The following USP39 variants were observed in gnomAD, a reference collection of about 807,000 sequenced individuals.
USP39 encodes the protein ubiquitin specific peptidase 39.
A neutral mutation model predicts 66.4 loss-of-function variants in USP39; 38 were observed. That is an observed-to-expected ratio of 0.57 (90% CI 0.44 to 0.75). USP39 has a LOEUF of 0.75. USP39 is among the 30% of genes least tolerant of loss of function. The pLI is 0.00. For synonymous variants in USP39, 303 were observed against 274.6 expected (o/e 1.10, Z -1.02); for missense variants, 608 against 714.4 (o/e 0.85, Z 1.70).
At chr2:85,619,074 G>A (rs1428262101) in intron 1 of USP39, 146 bp from the exon 2 acceptor site, 2 of 881,766 alleles carry the variant, frequency 2.3e-6, no homozygotes, top group Non-Finnish European at 3.5e-6. Flanking sequence ...CCCGGCTAGT[G>A]GACTTTTTTT....
chr2:85,604,644 G>C (rs149929914), intron 1 of USP39, among the ~76,000 whole-genome samples: 5 of 152,188 alleles, frequency 3.3e-5, no homozygotes. Flanking sequence ...CTCACCTGCC[G>C]CTGGCTATGC....
intron 10 of USP39, among the ~76,000 whole-genome samples, chr2:85,644,116 ACT>A (rs984107012): frequency 6.6e-6 from 1 of 152,126 alleles, no homozygotes; most frequent in African/African-American, 2.4e-5. Flanking sequence ...TACATTTTAA[ACT>A]CTGTAATTTT....
At chr2:85,639,454 C>CT (rs10660019) in intron 9 of USP39, 63 bp downstream of exon 9, 179,686 of 1,145,692 alleles carry the variant, frequency 0.16, 45 homozygotes, top group Non-Finnish European at 0.17. Flanking sequence ...TTTTCATTTT[C>CT]TTTTTTTTTT....
Position 85,616,430 on chromosome 2 carries a change from G to A in USP39, c.235G>A (p.Asp79Asn), listed in dbSNP as rs756071519. The A allele has an allele frequency of 1.0e-5, 16 of 1,586,784 alleles. No individual in the cohort carries two copies. Among genetic ancestry groups the A allele is most frequent in the Non-Finnish European group, 1.4e-5 (16 of 1,163,372 alleles). The change falls in exon 1 of 13, where the codon GAT (aspartate) becomes AAT (asparagine). Residue 79 changes from aspartate to asparagine, a missense_variant. Physicochemically the swap from Asp to Asn is conservative, Grantham distance 23. Around this residue, in one of 6 missense-constraint regions of USP39, gnomAD observed 207 missense variants for 145.7 expected, o/e 1.42. Transcript: ENST00000323701. ...FVRVKREREV[D>N]EDSEPEREVR... The stretch of plus-strand genomic sequence containing the variant: ...GCGGGTGAAGCGGGAGCGCGAGGTC[G>A]ATGAGGACTCGGAGCCTGAGCGGGA...
intron 9 of USP39, among the ~76,000 whole-genome samples, chr2:85,640,282 G>A (rs535266610): frequency 1.3e-5 from 2 of 151,962 alleles, no homozygotes; most frequent in South Asian, 4.2e-4. Context: ...CAAAAAGTGG[G>A]GAGACATACT....
intron 1 of USP39, among the ~76,000 whole-genome samples, chr2:85,603,830 T>A (rs1440681915): frequency 6.6e-6 from 1 of 152,148 alleles, no homozygotes; most frequent in Non-Finnish European, 1.5e-5. Flanking sequence ...CCTGACCTCG[T>A]GATCCGCCCG....
At chr2:85,607,048 C>G (rs1218765163) in intron 1 of USP39, 1 of 152,176 alleles carries the variant, frequency 6.6e-6, no homozygotes, top group African/African-American at 2.4e-5. Context: ...CTCCCTACCT[C>G]TTCCTTTACT....
chr2:85,648,965 C>G lies in USP39; in HGVS notation c.*157C>G. 1.3e-6 allele frequency: 1 copy of G among 779,476 alleles called. No homozygotes were observed. The highest frequency in any genetic ancestry group is 2.2e-6 in the Non-Finnish European group (1 of 461,838). 48.3% of individuals were successfully genotyped at this position (779,476 alleles called of 1,614,324 possible). ...ACCAGAGCACCAAGAGCCCACTTGCCTGGGATGGCCCCACACTGTCACTCA... is the reference window on the plus strand; with the variant it reads ...ACCAGAGCACCAAGAGCCCACTTGCGTGGGATGGCCCCACACTGTCACTCA... On this transcript the variant is annotated 3_prime_UTR_variant, in exon 13 of 13. Coordinates refer to ENST00000323701, the MANE Select transcript of USP39 (RefSeq NM_006590.4).
chr2:85,624,162 C>G (rs1015018595), intron 4 of USP39, among the ~76,000 whole-genome samples: 1 of 152,134 alleles, frequency 6.6e-6, no homozygotes, highest in Non-Finnish European at 1.5e-5. Flanking sequence ...TTAACATACG[C>G]CGTGGCCAGA....
intron 5 of USP39, among the ~76,000 whole-genome samples, 162 bp from the exon 6 acceptor site, chr2:85,630,554 CTGTGA>C (rs1449535027): frequency 4.6e-5 from 7 of 152,188 alleles, no homozygotes; most frequent in East Asian, 3.8e-4. Context: ...AATGATATTT[CTGTGA>C]TGTGAGCCTG....
intron 12 of USP39, among the ~76,000 whole-genome samples, chr2:85,648,393 G>A (rs536818896): frequency 2.6e-5 from 4 of 152,100 alleles, no homozygotes; most frequent in South Asian, 2.1e-4. Context: ...ACCCCACAGC[G>A]CTTTCTACTT....
chr2:85,631,701 G>T (rs574341287), intron 6 of USP39, among the ~76,000 whole-genome samples: 2 of 152,092 alleles, frequency 1.3e-5, no homozygotes, highest in African/African-American at 4.8e-5. Context: ...TCATTCTTTC[G>T]TGTCCCACAT....
intron 2 of USP39, among the ~76,000 whole-genome samples, chr2:85,619,746 T>C (rs1450058125): frequency 6.6e-6 from 1 of 152,064 alleles, no homozygotes; most frequent in African/African-American, 2.4e-5. Flanking sequence ...ATTACTCTTG[T>C]AAGAGCTGGG....
Position 85,635,920 on chromosome 2 carries a change from A to T in USP39, c.950-133A>T. 3 of 789,166 alleles carry T rather than the reference A, an allele frequency of 3.8e-6. No individual in the cohort carries two copies. In the South Asian group the frequency reaches 4.4e-5, roughly 12 times the overall value. The allele number at this position is 789,166 out of a possible 1,614,324, so 48.9% of individuals were successfully genotyped here. ...GCATTTAATGATAAGATAGAGGAGG[A>T]TGCACGGCAGTTGGGATGGGATGGC... is the stretch of plus-strand genomic sequence containing the variant. On this transcript the variant is annotated intron_variant, in intron 6 of 12. Transcript: ENST00000323701.
chr2:85,643,813 A>G (rs76796511), intron 10 of USP39, among the ~76,000 whole-genome samples: 1 of 151,544 alleles, frequency 6.6e-6, no homozygotes, highest in Non-Finnish European at 1.5e-5. Context: ...ACGCCCAGCT[A>G]ATTTTTTTTT....
intron 1 of USP39, among the ~76,000 whole-genome samples, chr2:85,603,893 C>T (rs141421586): frequency 3.9e-5 from 6 of 152,198 alleles, no homozygotes; most frequent in African/African-American, 1.4e-4. Flanking sequence ...GCGCCTGGCC[C>T]GGATGTTTCT....
intron 1 of USP39, among the ~76,000 whole-genome samples, chr2:85,603,977 A>G (rs1407250430): frequency 1.3e-5 from 2 of 152,228 alleles, no homozygotes; most frequent in Non-Finnish European, 1.5e-5. Context: ...AGGCGGTCCC[A>G]GCATCTGTTG....
chr2:85,630,799 G>A lies in USP39; in HGVS notation c.802G>A (p.Asp268Asn), dbSNP rs898859767. The stretch of plus-strand genomic sequence containing the variant: ...TAAGAACATCAAACGTCCTCCAGGG[G>A]ATATCATGTTCTTGTTGGTCCAGCG... ...NYKNIKRPPG[D>N]IMFLLVQRFG... The change falls in exon 6 of 13, where the codon GAT (aspartate) becomes AAT (asparagine). Residue 268 changes from aspartate to asparagine, a missense_variant. Coordinates refer to ENST00000323701, the MANE Select transcript of USP39 (RefSeq NM_006590.4). 6.2e-7 allele frequency: 1 copy of A among 1,614,164 alleles called. No individual in the cohort carries two copies. Among genetic ancestry groups the A allele is most frequent in the South Asian group, 1.1e-5 (1 of 91,088 alleles).
At chr2:85,619,962 A>C (rs9678632) in intron 2 of USP39, among the ~76,000 whole-genome samples, 68,686 of 151,664 alleles carry the variant, frequency 0.45, 18,270 homozygotes, top group African/African-American at 0.75. Flanking sequence ...TCAAGTGATT[A>C]TCCTGCCTCA....
Sources: allele counts gnomAD v4.1 joint callset (sites outside exome capture counted in the v4.1 genomes callset), GRCh38; gene constraint gnomAD v4.1.1; regional missense constraint gnomAD v4.1.1; transcripts MANE v1.5; gene names NCBI Gene and HGNC (gene_info 2026-07-23, HGNC 2026-07-21).